The following DEFB125 variants were observed in gnomAD, a reference collection of about 807,000 sequenced individuals.
The protein encoded by DEFB125 is beta-defensin 125.
Under a neutral mutation model 11.8 loss-of-function variants are expected in DEFB125, and 11 were observed. The ratio of observed to expected loss-of-function variants is 0.94; its 90% confidence interval spans 0.59 to 1.55. The LOEUF (loss-of-function observed/expected upper bound fraction) is 1.55. DEFB125 is among the 40% of genes most tolerant of loss of function. The probability of loss-of-function intolerance (pLI) is 0.00; values close to 1 mark genes in which losing one functional copy is unlikely to be tolerated. For missense variants in DEFB125, 198 were observed against 191.2 expected, an observed-to-expected ratio of 1.04 and a Z score of -0.21; for synonymous variants, 79 against 66.7, an observed-to-expected ratio of 1.18 and a Z score of -0.90.
chr20:88,870 A>ACACG (rs2054486398), intron 1 of DEFB125, among the ~76,000 whole-genome samples: 9 of 151,664 alleles, frequency 5.9e-5, no homozygotes, highest in Admixed American at 5.3e-4. Flanking sequence ...ACGTGGACAC[A>ACACG]CACACACACA....
At chr20:94,080 G>GT (rs1253297370) in intron 1 of DEFB125, among the ~76,000 whole-genome samples, 3 of 100,328 alleles carry the variant, frequency 3.0e-5, no homozygotes, top group East Asian at 2.2e-4. Context: ...ATTTTTTTAA[G>GT]TTTTTTGGTT....
At chr20:95,338 G>T (rs1000743521) in intron 1 of DEFB125, among the ~76,000 whole-genome samples, 5 of 151,654 alleles carry the variant, frequency 3.3e-5, no homozygotes, top group East Asian at 1.9e-4. Flanking sequence ...ACCCACCATG[G>T]TTTACCAATT....
At chr20:93,842 G>A (rs1315516771) in intron 1 of DEFB125, among the ~76,000 whole-genome samples, 1 of 152,152 alleles carries the variant, frequency 6.6e-6, no homozygotes, top group Non-Finnish European at 1.5e-5. Context: ...TATGGGGGAA[G>A]CTGGATAAAT....
At chr20:91,032 A>C (rs2054494272) in intron 1 of DEFB125, among the ~76,000 whole-genome samples, 2 of 152,194 alleles carry the variant, frequency 1.3e-5, no homozygotes, top group Admixed American at 1.3e-4. Flanking sequence ...ATATACATTT[A>C]AAAATTACCA....
rs1357691120 is a variant in DEFB125, at chr20:96,491, T to C, written c.*74T>C. The C allele has an allele frequency of 6.7e-7, 1 of 1,499,318 alleles. No homozygotes were observed. 92.9% of individuals were successfully genotyped at this position (1,499,318 alleles called of 1,614,324 possible). On this transcript the variant is annotated 3_prime_UTR_variant, in exon 2 of 2. Transcript: ENST00000382410. ...ATATCCAAAGAGCTGATTCTACCAA[T>C]CCAATTTCACCAGGAAAATTCCATC... is the stretch of plus-strand genomic sequence containing the variant.
At position 96,675 on chromosome 20, in the gene DEFB125, C is replaced by A. The variant is rs535006839; in HGVS notation, c.*258C>A. The A allele has an allele frequency of 1.7e-5, 7 of 407,616 alleles. No individual in the cohort carries two copies. In the South Asian group the frequency reaches 3.9e-4, roughly 23 times the overall value. The allele number at this position is 407,616 out of a possible 1,614,324, so 25.2% of individuals were successfully genotyped here. Reference sequence around the variant, plus strand: ...TCTTTATCTGTCTTCCTCCGATGTACTCAAATATATGAGCTAATTTTTGTC... The same window carrying A: ...TCTTTATCTGTCTTCCTCCGATGTAATCAAATATATGAGCTAATTTTTGTC... On this transcript the variant is annotated 3_prime_UTR_variant, in exon 2 of 2. Coordinates refer to ENST00000382410, the MANE Select transcript of DEFB125 (RefSeq NM_153325.4).
chr20:94,951 G>A (rs541204578), intron 1 of DEFB125, among the ~76,000 whole-genome samples: 1 of 152,164 alleles, frequency 6.6e-6, no homozygotes, highest in African/African-American at 2.4e-5. Context: ...TGGCTGCTGG[G>A]CTTCCCTGTG....
rs773249372 is a variant in DEFB125, at chr20:96,398, C to G, written c.452C>G (p.Thr151Arg). Reference sequence around the variant, plus strand: ...GAGACTATGCCACCACCTTCTCAGACAGCTCTTACTCATAATTAATTAACA... The same window carrying G: ...GAGACTATGCCACCACCTTCTCAGAGAGCTCTTACTCATAATTAATTAACA... ...TSETMPPPSQ[T>R]ALTHN The change falls in exon 2 of 2, where the codon ACA becomes AGA. Residue 151 changes from threonine to arginine, a missense_variant. Transcript: ENST00000382410. 1.1e-5 allele frequency: 18 copies of G among 1,612,912 alleles called. No individual in the cohort carries two copies. The highest frequency in any genetic ancestry group is 3.3e-4 in the Middle Eastern group (2 of 6,054).
chr20:96,132 T>C lies in DEFB125; in HGVS notation c.186T>C (p.His62=). Residue 62 remains histidine, a synonymous_variant, in exon 2 of 2, where the codon CAT becomes CAC. Transcript: ENST00000382410. ...KLSCCISIIS[H]EYTRRPAFPV... ...CATGCTGCATTTCTATAATATCACA[T>C]GAATATACTCGACGACCAGCATTTC... is the stretch of plus-strand genomic sequence containing the variant. 1 of 1,614,194 alleles carries C rather than the reference T, an allele frequency of 6.2e-7. No homozygotes were observed. The highest frequency in any genetic ancestry group is 8.5e-7 in the Non-Finnish European group (1 of 1,180,032).
At chr20:89,984 T>C (rs2054490451) in intron 1 of DEFB125, among the ~76,000 whole-genome samples, 1 of 152,218 alleles carries the variant, frequency 6.6e-6, no homozygotes, top group African/African-American at 2.4e-5. Flanking sequence ...TCAAGTGAGA[T>C]AGCACCTGAT....
chr20:88,108 T>C (rs6086616), intron 1 of DEFB125, among the ~76,000 whole-genome samples: 98,116 of 152,032 alleles, frequency 0.65, 32,382 homozygotes, highest in South Asian at 0.75. Flanking sequence ...ATTTCATTGT[T>C]GTGTCCTATT....
At chr20:88,840 CT>C (rs11477748) in intron 1 of DEFB125, among the ~76,000 whole-genome samples, 23,378 of 150,686 alleles carry the variant, frequency 0.16, 1,929 homozygotes, top group Middle Eastern at 0.24. Context: ...AAATGTATGT[CT>C]TTTCATTTAT....
Position 96,204 on chromosome 20 carries a change from C to T in DEFB125, c.258C>T (p.Asp86=). ...EDITLDYSDV[D]SFTGSPVSML... Reference sequence around the variant, plus strand: ...TAACATTGGATTATAGTGATGTGGACTCTTTTACTGGTTCCCCAGTATCTA... The same window carrying T: ...TAACATTGGATTATAGTGATGTGGATTCTTTTACTGGTTCCCCAGTATCTA... The change falls in exon 2 of 2, where the codon GAC becomes GAT. Residue 86 remains aspartate (D), a synonymous_variant. Transcript: ENST00000382410. 6.2e-7 allele frequency: 1 copy of T among 1,614,150 alleles called. No homozygotes were observed. Among genetic ancestry groups the T allele is most frequent in the Admixed American group, 1.7e-5 (1 of 60,028 alleles).
At chr20:91,546 T>G (rs930477211) in intron 1 of DEFB125, among the ~76,000 whole-genome samples, 30 of 152,362 alleles carry the variant, frequency 2.0e-4, no homozygotes, top group African/African-American at 7.2e-4. Context: ...ATGTGATTTT[T>G]GTCTGTTTAG....
intron 1 of DEFB125, among the ~76,000 whole-genome samples, chr20:91,882 G>T (rs1208944749): frequency 6.6e-6 from 1 of 152,090 alleles, no homozygotes; most frequent in Non-Finnish European, 1.5e-5. Context: ...GGAAGGTCTA[G>T]ACTTGAAACT....
Position 96,059 on chromosome 20 carries a change from G to T in DEFB125, c.113G>T (p.Arg38Leu), listed in dbSNP as rs116934569. ...WKNNVGHCRRRCLDTERYILL... is the reference protein window; with the variant it reads ...WKNNVGHCRRLCLDTERYILL... Reference sequence around the variant, plus strand: ...AATAATGTAGGACATTGCAGAAGACGATGTTTAGATACTGAAAGGTACATA... The same window carrying T: ...AATAATGTAGGACATTGCAGAAGACTATGTTTAGATACTGAAAGGTACATA... Residue 38 changes from arginine (R) to leucine (L), a missense_variant, in exon 2 of 2, where the codon CGA becomes CTA. Arg to Leu is a moderately radical substitution (Grantham distance 102). Coordinates refer to ENST00000382410, the MANE Select transcript of DEFB125 (RefSeq NM_153325.4). 1.2e-6 allele frequency: 2 copies of T among 1,613,406 alleles called. No homozygotes were observed. Among genetic ancestry groups the T allele is most frequent in the Non-Finnish European group, 1.7e-6 (2 of 1,179,532 alleles).
intron 1 of DEFB125, among the ~76,000 whole-genome samples, chr20:89,294 A>G (rs1444045282): frequency 6.6e-6 from 1 of 152,164 alleles, no homozygotes; most frequent in Non-Finnish European, 1.5e-5. Flanking sequence ...ATTAATATCT[A>G]CATTCATTTC....
chr20:88,619 C>T (rs1056266207), intron 1 of DEFB125, among the ~76,000 whole-genome samples: 2 of 151,984 alleles, frequency 1.3e-5, no homozygotes, highest in East Asian at 1.9e-4. Flanking sequence ...TTAAAAAATG[C>T]AATTGCAAAT....
chr20:88,685 A>G (rs1306417002), intron 1 of DEFB125, among the ~76,000 whole-genome samples: 2 of 152,198 alleles, frequency 1.3e-5, no homozygotes, highest in Non-Finnish European at 2.9e-5. Flanking sequence ...CATCTTATCC[A>G]TACATAAACC....
Sources: allele counts gnomAD v4.1 joint callset (sites outside exome capture counted in the v4.1 genomes callset), GRCh38; gene constraint gnomAD v4.1.1; transcripts MANE v1.5; gene names NCBI Gene and HGNC (gene_info 2026-07-23, HGNC 2026-07-21).